KCNN2: variants seen among roughly 807,000 people sequenced by gnomAD.
The protein encoded by KCNN2 is potassium calcium-activated channel subfamily N member 2, also known as small conductance calcium-activated potassium channel protein 2.
Under a neutral mutation model 55.5 loss-of-function variants are expected in KCNN2, and 24 were observed. That is an observed-to-expected ratio of 0.43 (90% CI 0.31 to 0.61). The LOEUF is 0.61. Ranked by LOEUF, KCNN2 falls within the 20% of genes least tolerant of loss-of-function variation. The probability of loss-of-function intolerance (pLI) is 0.08; values close to 1 mark genes in which losing one functional copy is unlikely to be tolerated. For missense variants in KCNN2, 754 were observed against 853.6 expected (o/e 0.88, Z 1.45); for synonymous variants, 431 against 336.1 (o/e 1.28, Z -3.09).
chr5:114,164,371 G>T (rs1374770327), intron 1 of KCNN2, among the ~76,000 whole-genome samples: 6 of 152,028 alleles, frequency 3.9e-5, no homozygotes, highest in Non-Finnish European at 8.8e-5. Flanking sequence ...TTTTGATTTA[G>T]CTTTCCATTT....
intron 3 of KCNN2, among the ~76,000 whole-genome samples, chr5:114,453,332 C>A (rs1230936188): frequency 1.3e-5 from 2 of 152,186 alleles, no homozygotes; most frequent in Non-Finnish European, 2.9e-5. Context: ...ACCTCTTTTC[C>A]TCCCAACACA....
intron 2 of KCNN2, among the ~76,000 whole-genome samples, chr5:114,329,761 C>T (rs1230984911): frequency 6.6e-6 from 1 of 152,172 alleles, no homozygotes; most frequent in Non-Finnish European, 1.5e-5. Flanking sequence ...AGATCCCTGA[C>T]TAATACACCC....
intron 2 of KCNN2, among the ~76,000 whole-genome samples, chr5:114,356,160 T>C (rs1580742839): frequency 6.6e-6 from 1 of 152,148 alleles, no homozygotes; most frequent in East Asian, 1.9e-4. Flanking sequence ...GAAGTCTGGC[T>C]TCTCTTTGCT....
In KCNN2 at chr5:114,166,135, C is replaced by T. The variant is rs1467702981; in HGVS notation, c.-270-55345C>T. 4.1e-4 allele frequency among the ~76,000 whole-genome samples: 62 copies of T among 151,948 alleles called. 1 individual carries two copies. The highest frequency in any genetic ancestry group is 4.1e-3 in the Admixed American group (62 of 15,238). Reference sequence around the variant, plus strand: ...TCAATGTCCTGACCTCATGAACCACCCTCCTCGGCCTCCCAAAGTGCTGCT... The same window carrying T: ...TCAATGTCCTGACCTCATGAACCACTCTCCTCGGCCTCCCAAAGTGCTGCT... On this transcript the variant is annotated intron_variant, in intron 1 of 10. Coordinates refer to the KCNN2 transcript ENST00000512097.
At position 114,294,536 on chromosome 5, in the gene KCNN2, G is replaced by A. The variant is rs370320570; in HGVS notation, c.-184-66409G>A. Among the ~76,000 whole-genome samples the A allele has an allele frequency of 3.9e-5, 6 of 152,266 alleles. No homozygotes were observed. In the South Asian group the frequency reaches 1.3e-3, roughly 32 times the overall value. ...GTTTCTTAATTCTGAGTTCTAGTTT[G>A]ATTGCACTGTGGTCTGAGAGACAGT... On this transcript the variant is annotated intron_variant, in intron 2 of 10. Coordinates refer to the KCNN2 transcript ENST00000512097.
intron 3 of KCNN2, among the ~76,000 whole-genome samples, chr5:114,434,409 A>T (rs1273199242): frequency 1.3e-5 from 2 of 152,062 alleles, no homozygotes; most frequent in East Asian, 3.9e-4. Context: ...AGATCCCTTA[A>T]CATACTAATC....
At chr5:114,476,187 C>G (rs143370200) in intron 5 of KCNN2, among the ~76,000 whole-genome samples, 1 of 122,218 alleles carries the variant, frequency 8.2e-6, no homozygotes, top group African/African-American at 3.1e-5. Flanking sequence ...TCCCTCCCCC[C>G]ACCCCACCAC....
intron 1 of KCNN2, among the ~76,000 whole-genome samples, chr5:114,119,849 C>T (rs1224086627): frequency 2.0e-5 from 3 of 151,978 alleles, no homozygotes; most frequent in African/African-American, 4.8e-5. Flanking sequence ...CTATGCTGAT[C>T]GAGAAAGACT....
In KCNN2 at chr5:114,131,020, G is replaced by C. The variant is rs189124777; in HGVS notation, c.-271+74520G>C. 1.8e-3 allele frequency among the ~76,000 whole-genome samples: 268 copies of C among 152,232 alleles called. 2 individuals carry two copies. The highest frequency in any genetic ancestry group is 2.8e-3 in the Non-Finnish European group (187 of 67,996). On this transcript the variant is annotated intron_variant, in intron 1 of 10. Transcript: ENST00000512097. ...AAAAATAAAATGTGAACATCCAAAA[G>C]TAAATAGAAAACCTTTATGGTTATC...
intron 1 of KCNN2, 31 bp from the exon 2 acceptor site, chr5:114,363,875 T>C: frequency 6.4e-7 from 1 of 1,572,614 alleles, no homozygotes; most frequent in South Asian, 1.1e-5. Flanking sequence ...TGCTTCTTTC[T>C]TAAAAGTGCT....
At chr5:114,236,353 T>C (rs1754492032) in intron 2 of KCNN2, among the ~76,000 whole-genome samples, 1 of 151,984 alleles carries the variant, frequency 6.6e-6, no homozygotes, top group Non-Finnish European at 1.5e-5. Context: ...TAAAATTTGT[T>C]TGGGTTTTTA....
intron 2 of KCNN2, among the ~76,000 whole-genome samples, chr5:114,275,562 G>T (rs1040395692): frequency 6.6e-6 from 1 of 151,976 alleles, no homozygotes; most frequent in Non-Finnish European, 1.5e-5. Flanking sequence ...TTTAGTCTTG[G>T]GGGGTGTATG....
chr5:114,060,079 T>G (rs1750294585), intron 1 of KCNN2, among the ~76,000 whole-genome samples: 1 of 152,240 alleles, frequency 6.6e-6, no homozygotes, highest in Non-Finnish European at 1.5e-5. Context: ...TTGTCCCTTG[T>G]GAAATCTCAT....
At chr5:114,252,522 A>G (rs1293872005) in intron 2 of KCNN2, among the ~76,000 whole-genome samples, 8 of 152,180 alleles carry the variant, frequency 5.3e-5, no homozygotes, top group Non-Finnish European at 1.2e-4. Context: ...ATGTTATTAT[A>G]TAAGATGGAG....
chr5:114,220,092 G>A (rs961038604), intron 1 of KCNN2, among the ~76,000 whole-genome samples: 9 of 152,116 alleles, frequency 5.9e-5, no homozygotes, highest in Non-Finnish European at 1.3e-4. Flanking sequence ...CATATAGTTG[G>A]CTACTCTTCG....
rs1339256057 is a variant in KCNN2, at chr5:114,239,209, TAGTC to T, written c.-185+17647_-185+17650del. ...GTAGCTTAATGGAGAATTGGGAAAA[TAGTC>T]AGCTAGAGAAGCAAAGATAAAATTA... On this transcript the variant is annotated intron_variant, in intron 2 of 10. Transcript: ENST00000512097. 2.0e-5 allele frequency among the ~76,000 whole-genome samples: 3 copies of T among 151,984 alleles called. No homozygotes were observed. In the East Asian group the frequency reaches 5.8e-4, roughly 29 times the overall value.
rs1297776730 is a variant in KCNN2 at position 114,414,409 on chromosome 5, C to G, written c.1637+9553C>G. ...AAGCACCTACTGTCTTTCAAGGGAG[C>G]CTCTTGGCTTGAGTCTCTTAGGAGG... On this transcript the variant is annotated intron_variant, in intron 3 of 7. Transcript: ENST00000673685. Among the ~76,000 whole-genome samples the G allele has an allele frequency of 1.3e-5, 2 of 152,088 alleles. 1 individual carries two copies. Among genetic ancestry groups the G allele is most frequent in the African/African-American group, 4.8e-5 (2 of 41,410 alleles).
At chr5:114,212,704 G>A (rs1024314956) in intron 1 of KCNN2, among the ~76,000 whole-genome samples, 31 of 152,082 alleles carry the variant, frequency 2.0e-4, no homozygotes, top group African/African-American at 6.7e-4. Flanking sequence ...AAGGACATCC[G>A]TGTAAGAACA....
At chr5:114,321,148 C>T (rs1026444538) in intron 2 of KCNN2, among the ~76,000 whole-genome samples, 4 of 152,210 alleles carry the variant, frequency 2.6e-5, no homozygotes, top group African/African-American at 9.6e-5. Flanking sequence ...ACCTTCTTAG[C>T]ATTGAGTTGA....
Sources: gnomAD v4.1 joint callset for allele counts (sites outside exome capture counted in the v4.1 genomes callset) on GRCh38, gnomAD v4.1.1 for gene constraint, MANE v1.5 for transcripts, NCBI Gene and HGNC (gene_info 2026-07-23, HGNC 2026-07-21) for gene names.